Variants in CCDC73 observed in about 807,000 individuals in gnomAD.
The protein encoded by CCDC73 is coiled-coil domain containing 73.
Under a neutral mutation model 116.5 loss-of-function variants are expected in CCDC73, and 95 were observed. The ratio of observed to expected loss-of-function variants is 0.82; its 90% CI spans 0.69 to 0.97. CCDC73 has a LOEUF of 0.97. Among genes scored for constraint, CCDC73 ranks in the 50% least tolerant of loss-of-function variants. CCDC73 has a pLI of 0.00. For missense variants in CCDC73, 1,066 were observed against 1,206.8 expected (o/e 0.88, Z 1.73); for synonymous variants, 398 against 401.3 (o/e 0.99, Z 0.10).
intron 14 of CCDC73, 61 bp downstream of exon 14, chr11:32,635,635 A>G: frequency 8.3e-7 from 1 of 1,208,250 alleles, no homozygotes. Context: ...AGGGAAAAAA[A>G]TCATAGTGAC....
At chr11:32,708,072 G>T (rs1406541124) in intron 3 of CCDC73, among the ~76,000 whole-genome samples, 2 of 152,106 alleles carry the variant, frequency 1.3e-5, no homozygotes, top group Non-Finnish European at 2.9e-5. Context: ...ATCTTGATTT[G>T]ATTTTTGTTA....
chr11:32,607,919 G>A (rs981916318), intron 17 of CCDC73, among the ~76,000 whole-genome samples: 3 of 152,164 alleles, frequency 2.0e-5, no homozygotes, highest in Non-Finnish European at 4.4e-5. Flanking sequence ...GCAAAAGAGA[G>A]CTTGTGCAGG....
the CCDC73 span, among the ~76,000 whole-genome samples, chr11:32,804,374 GC>G: frequency 6.6e-6 from 1 of 152,188 alleles, no homozygotes; most frequent in African/African-American, 2.4e-5. Context: ...CAGGTGATCT[GC>G]CTGCCTTAGC....
At chr11:32,757,593 C>A (rs144638528) in intron 2 of CCDC73, among the ~76,000 whole-genome samples, 2 of 152,264 alleles carry the variant, frequency 1.3e-5, no homozygotes, top group East Asian at 3.9e-4. Context: ...ATCTGCAGGG[C>A]GGCATACCTT....
intron 17 of CCDC73, chr11:32,605,297 G>GTA (rs1855334961): frequency 6.6e-6 from 1 of 151,514 alleles, no homozygotes; most frequent in African/African-American, 2.4e-5. Context: ...TCCCCTCAGA[G>GTA]AGTTTTACCT....
chr11:32,673,185 G>T (rs1006681865), intron 9 of CCDC73, among the ~76,000 whole-genome samples: 2 of 152,102 alleles, frequency 1.3e-5, no homozygotes, highest in Non-Finnish European at 2.9e-5. Context: ...AACATCATAT[G>T]TCATTAGGGA....
chr11:32,709,585 C>T (rs1849882076), intron 3 of CCDC73, among the ~76,000 whole-genome samples: 1 of 152,114 alleles, frequency 6.6e-6, no homozygotes, highest in African/African-American at 2.4e-5. Flanking sequence ...TGTGAGCCAC[C>T]ATGCACAGCC....
At chr11:32,606,115 C>G (rs1647488864) in intron 17 of CCDC73, 1 of 152,020 alleles carries the variant, frequency 6.6e-6, no homozygotes, top group Admixed American at 6.6e-5. Context: ...ATGCTGAAAA[C>G]AAGAATGAAA....
chr11:32,712,672 T>C (rs897646352), intron 3 of CCDC73, among the ~76,000 whole-genome samples: 18 of 152,096 alleles, frequency 1.2e-4, no homozygotes, highest in Middle Eastern at 6.8e-3. Flanking sequence ...TATTTGACAA[T>C]TGCCCCCTAA....
chr11:32,740,872 T>C (rs1850177544), intron 2 of CCDC73, among the ~76,000 whole-genome samples: 1 of 152,092 alleles, frequency 6.6e-6, no homozygotes, highest in Admixed American at 6.6e-5. Flanking sequence ...GTATGTTGTG[T>C]TTCCATTATC....
Position 32,675,980 on chromosome 11 carries a change from A to G in CCDC73, c.471T>C (p.Tyr157=), listed in dbSNP as rs374356608. The change falls in exon 8 of 18, where the codon TAT becomes TAC. Residue 157 remains tyrosine (Y), a synonymous_variant. Transcript: ENST00000335185. ...VQLHLLAKED[Y]HKQLSEIEKY... ...TCTCAATTTCACTCAGTTGCTTATG[A>G]TAGTCTTCTTTAGCCAGAAGATGTA... The G allele has an allele frequency of 6.2e-5, 100 of 1,608,066 alleles. No individual in the cohort carries two copies. In the African/African-American group the frequency reaches 1.3e-3, roughly 21 times the overall value.
intron 2 of CCDC73, among the ~76,000 whole-genome samples, chr11:32,751,102 T>C (rs1377855806): frequency 6.6e-6 from 1 of 152,114 alleles, no homozygotes; most frequent in African/African-American, 2.4e-5. Flanking sequence ...TGTCTAGAAA[T>C]GTTGTCTGGG....
At chr11:32,674,502 A>G (rs754399708) in intron 9 of CCDC73, among the ~76,000 whole-genome samples, 23 of 152,206 alleles carry the variant, frequency 1.5e-4, no homozygotes, top group Non-Finnish European at 3.4e-4. Context: ...AATAATGGGA[A>G]CTTATTGGTT....
intron 2 of CCDC73, among the ~76,000 whole-genome samples, chr11:32,720,118 C>G (rs1849977777): frequency 6.6e-6 from 1 of 152,258 alleles, no homozygotes; most frequent in East Asian, 1.9e-4. Flanking sequence ...CAATACTTCT[C>G]ACAAATTTTG....
the CCDC73 span, among the ~76,000 whole-genome samples, chr11:32,800,074 C>T: frequency 6.6e-6 from 1 of 152,138 alleles, no homozygotes. Context: ...GCACCACAAA[C>T]TGTAGTTGAA....
chr11:32,810,601 CCTGAG>C, the CCDC73 span, among the ~76,000 whole-genome samples: 1 of 149,676 alleles, frequency 6.7e-6, no homozygotes, highest in South Asian at 2.1e-4. Flanking sequence ...GTTTCTATGC[CCTGAG>C]GAGTAGAAAC....
chr11:32,798,914 T>TG (rs1264442634), upstream of CCDC73, among the ~76,000 whole-genome samples: 5 of 92,864 alleles, frequency 5.4e-5, no homozygotes, highest in African/African-American at 1.2e-4. Flanking sequence ...TTTGTTTGTT[T>TG]TGGGGGGGGG....
At chr11:32,826,927 T>A in the CCDC73 span, among the ~76,000 whole-genome samples, 1 of 152,144 alleles carries the variant, frequency 6.6e-6, no homozygotes. Context: ...AATGGCGCGA[T>A]CTCGGCTCAC....
intron 6 of CCDC73, among the ~76,000 whole-genome samples, chr11:32,693,466 A>C (rs1856279129): frequency 6.6e-6 from 1 of 152,232 alleles, no homozygotes; most frequent in Non-Finnish European, 1.5e-5. Flanking sequence ...ATAAGGCAAA[A>C]TAAATCCTTA....
Sources: gnomAD v4.1 joint callset for allele counts (sites outside exome capture counted in the v4.1 genomes callset) on GRCh38, gnomAD v4.1.1 for gene constraint, MANE v1.5 for transcripts, NCBI Gene and HGNC (gene_info 2026-07-23, HGNC 2026-07-21) for gene names.